GLI3: variants seen among roughly 807,000 people sequenced by gnomAD.
The protein encoded by GLI3 is GLI family zinc finger 3.
GLI3 carries 20 observed loss-of-function variants against 100.8 expected under a neutral mutation model. The ratio of observed to expected loss-of-function variants is 0.20; its 90% confidence interval spans 0.14 to 0.29. The LOEUF (loss-of-function observed/expected upper bound fraction) is 0.29, where lower values mean the gene tolerates loss of function less well. GLI3 is among the 10% of genes least tolerant of loss of function. The probability of loss-of-function intolerance (pLI) is 1.00; values close to 1 mark genes in which losing one functional copy is unlikely to be tolerated. For synonymous variants in GLI3, 938 were observed against 860.5 expected (o/e 1.09, Z -1.58); for missense variants, 2,040 against 2,128.5 (o/e 0.96, Z 0.82).
At position 41,961,453 on chromosome 7, in the gene GLI3, A is replaced by C. The variant is rs1351870648; in HGVS notation, c.*2877T>G. On this transcript the variant is annotated 3_prime_UTR_variant, in exon 15 of 15. Transcript: ENST00000395925. ...TCCCTCTCATTGACAAGATTAACATAAAATAAGGCACATACATCGCAAGAA... is the reference window on the plus strand; with the variant it reads ...TCCCTCTCATTGACAAGATTAACATCAAATAAGGCACATACATCGCAAGAA... 2 of 152,628 alleles carry C rather than the reference A, an allele frequency of 1.3e-5. No individual in the cohort carries two copies. Among genetic ancestry groups the C allele is most frequent in the Non-Finnish European group, 2.9e-5 (2 of 68,048 alleles). The allele number at this position is 152,628 out of a possible 1,614,324, so 9.5% of individuals were successfully genotyped here.
rs1160210014 is a variant in GLI3 at position 41,965,522 on chromosome 7, G to T, written c.3551C>A (p.Ala1184Asp). The T allele has an allele frequency of 6.2e-7, 1 of 1,605,614 alleles. No individual in the cohort carries two copies. Among genetic ancestry groups the T allele is most frequent in the Admixed American group, 1.7e-5 (1 of 59,864 alleles). ...SSKLKCGPRPAVPQTRAFGFC... is the reference protein window; with the variant it reads ...SSKLKCGPRPDVPQTRAFGFC... ...CCCAAAGGCGCGAGTCTGCGGCACA[G>T]CGGGCCGCGGCCCACACTTGAGCTT... is the stretch of plus-strand genomic sequence containing the variant. The change falls in exon 15 of 15, where the codon GCT becomes GAT. Residue 1184 changes from alanine (A) to aspartate (D), a missense_variant. Around this residue, in one of 5 missense-constraint regions of GLI3, gnomAD observed 1,041 missense variants for 924.0 expected, o/e 1.13. Coordinates refer to ENST00000395925, the MANE Select transcript of GLI3 (RefSeq NM_000168.6).
chr7:42,130,874 C>T (rs1054962377), intron 3 of GLI3, among the ~76,000 whole-genome samples: 2 of 151,942 alleles, frequency 1.3e-5, no homozygotes, highest in Non-Finnish European at 2.9e-5. Context: ...CAAAAGTTTC[C>T]AGGAAGGAAA....
rs149959280 is a variant in GLI3 at position 42,066,324 on chromosome 7, AC to A, written c.473+10427del. On this transcript the variant is annotated intron_variant, in intron 4 of 14. Coordinates refer to ENST00000395925, the MANE Select transcript of GLI3 (RefSeq NM_000168.6). ...CACTCGGGGGAAGGGGGTGGACTCT[AC>A]TTTTCACTCCTTCCAATTCAACTTC... is the stretch of plus-strand genomic sequence containing the variant. Among the ~76,000 whole-genome samples, 708 of 152,212 alleles carry A rather than the reference AC, an allele frequency of 4.7e-3. 6 individuals are homozygous for A. Among genetic ancestry groups the A allele is most frequent in the African/African-American group, 0.016 (671 of 41,536 alleles).
intron 3 of GLI3, among the ~76,000 whole-genome samples, chr7:42,147,216 G>A (rs1451260328): frequency 6.6e-6 from 1 of 152,072 alleles, no homozygotes; most frequent in African/African-American, 2.4e-5. Flanking sequence ...ACTAATGAAG[G>A]GATGAAATTA....
intron 2 of GLI3, among the ~76,000 whole-genome samples, chr7:42,171,410 T>G (rs1313993102): frequency 6.6e-6 from 1 of 152,250 alleles, no homozygotes; most frequent in Non-Finnish European, 1.5e-5. Flanking sequence ...TCACTATGTT[T>G]AAGCAATGTG....
intron 3 of GLI3, among the ~76,000 whole-genome samples, chr7:42,136,562 G>A (rs1241367253): frequency 6.6e-6 from 1 of 152,158 alleles, no homozygotes; most frequent in Non-Finnish European, 1.5e-5. Context: ...GTACAGAGAG[G>A]ACCACAGGCT....
intron 4 of GLI3, among the ~76,000 whole-genome samples, chr7:42,055,928 G>C (rs1279612919): frequency 1.3e-5 from 2 of 152,088 alleles, no homozygotes; most frequent in African/African-American, 4.8e-5. Context: ...TGTGTTGTTG[G>C]GGGGAACATG....
At chr7:41,974,404 A>C (rs1787451470) in intron 12 of GLI3, among the ~76,000 whole-genome samples, 1 of 152,196 alleles carries the variant, frequency 6.6e-6, no homozygotes, top group South Asian at 2.1e-4. Flanking sequence ...TTAACCCTTC[A>C]CACAACTTTT....
intron 10 of GLI3, among the ~76,000 whole-genome samples, chr7:42,010,948 C>CT (rs536712519): frequency 5.8e-4 from 88 of 152,316 alleles, no homozygotes; most frequent in African/African-American, 2.0e-3. Flanking sequence ...AAACCAGCTA[C>CT]TAAAAGAGGA....
At chr7:42,222,027 A>T (rs1788496103) in intron 2 of GLI3, among the ~76,000 whole-genome samples, 1 of 152,208 alleles carries the variant, frequency 6.6e-6, no homozygotes, top group South Asian at 2.1e-4. Context: ...ACACTCATGA[A>T]ACCGGGTGAA....
At chr7:42,123,020 G>A (rs1043991207) in intron 3 of GLI3, among the ~76,000 whole-genome samples, 1 of 152,012 alleles carries the variant, frequency 6.6e-6, no homozygotes, top group African/African-American at 2.4e-5. Flanking sequence ...GTTTTCTTAT[G>A]GTTATCACAA....
chr7:42,042,567 A>G (rs1051046989), intron 6 of GLI3, among the ~76,000 whole-genome samples: 1 of 152,196 alleles, frequency 6.6e-6, no homozygotes, highest in African/African-American at 2.4e-5. Flanking sequence ...AGCACATGCT[A>G]GACAGGACGT....
At chr7:42,242,786 G>A (rs1307009071), upstream of GLI3, among the ~76,000 whole-genome samples, 1 of 152,146 alleles carries the variant, frequency 6.6e-6, no homozygotes, top group African/African-American at 2.4e-5. Context: ...ACACCTAGAA[G>A]CTTGTGAATT....
rs756335435 is a variant in GLI3 at position 41,964,424 on chromosome 7, A to G, written c.4649T>C (p.Leu1550Pro). 5.1e-5 allele frequency: 82 copies of G among 1,612,504 alleles called. No homozygotes were observed. In the Middle Eastern group the frequency reaches 8.2e-4, roughly 16 times the overall value. ...AGCCATGTTGGTGGTGCTCATGGAC[A>G]GCGCTGGGAATGGGAGGGACGCCCG... ...TPRASLPFPA[L>P]SMSTTNMAIG... The change falls in exon 15 of 15, where the codon CTG becomes CCG. Residue 1550 changes from leucine to proline, a missense_variant. Physicochemically the swap from Leu to Pro is moderately conservative, Grantham distance 98. Around this residue, in one of 5 missense-constraint regions of GLI3, gnomAD observed 1,041 missense variants for 924.0 expected, o/e 1.13. Transcript: ENST00000395925.
At position 41,978,527 on chromosome 7, in the gene GLI3, T is replaced by C. The variant is rs961039849; in HGVS notation, c.1647+72A>G. On this transcript the variant is annotated intron_variant, in intron 11 of 14. Coordinates refer to ENST00000395925, the MANE Select transcript of GLI3 (RefSeq NM_000168.6). ...CAACCACGCTTCCCCTGAGCTGGTG[T>C]CATCAGTTTGCACAGCTCTTATGAG... The C allele has an allele frequency of 8.5e-6, 12 of 1,415,926 alleles. No homozygotes were observed. In the African/African-American group the frequency reaches 1.5e-4, roughly 18 times the overall value. 87.7% of individuals were successfully genotyped at this position (1,415,926 alleles called of 1,614,324 possible).
chr7:42,121,425 T>A (rs80320188), intron 3 of GLI3, among the ~76,000 whole-genome samples: 4,466 of 152,290 alleles, frequency 0.029, 221 homozygotes, highest in African/African-American at 0.1. Context: ...TTTGGTGCAG[T>A]GAAGGTAAGC....
At chr7:42,095,830 AGGC>A (rs1215309051) in intron 3 of GLI3, among the ~76,000 whole-genome samples, 2 of 152,078 alleles carry the variant, frequency 1.3e-5, no homozygotes, top group Non-Finnish European at 2.9e-5. Context: ...CTGGAGATGG[AGGC>A]GGGAGAGGCG....
intron 4 of GLI3, among the ~76,000 whole-genome samples, chr7:42,055,229 C>CT (rs1306365523): frequency 6.6e-6 from 1 of 151,860 alleles, no homozygotes; most frequent in Non-Finnish European, 1.5e-5. Flanking sequence ...CAATCCTATA[C>CT]TTTTTTTTCC....
intron 2 of GLI3, among the ~76,000 whole-genome samples, chr7:42,212,296 A>G (rs559703071): frequency 1.7e-4 from 26 of 152,362 alleles, no homozygotes; most frequent in Admixed American, 8.5e-4. Context: ...TAAAATCTGC[A>G]TAAGAAACTC....
Sources: gnomAD v4.1 joint callset for allele counts (sites outside exome capture counted in the v4.1 genomes callset) on GRCh38, gnomAD v4.1.1 for gene constraint, gnomAD v4.1.1 regional missense constraint, MANE v1.5 for transcripts, NCBI Gene and HGNC (gene_info 2026-07-23, HGNC 2026-07-21) for gene names.